Variants in SLC25A21 observed in about 807,000 individuals in gnomAD.
The protein encoded by SLC25A21 is solute carrier family 25 member 21.
A neutral mutation model predicts 43.8 loss-of-function variants in SLC25A21; 47 were observed. The observed-to-expected ratio is 1.07, with a 90% CI of 0.85 to 1.37. The LOEUF (loss-of-function observed/expected upper bound fraction) is 1.37. SLC25A21 is among the 40% of genes most tolerant of loss of function. The pLI is 0.00. For missense variants in SLC25A21, 352 were observed against 350.2 expected (o/e 1.00, Z -0.04); for synonymous variants, 131 against 121.3 (o/e 1.08, Z -0.52).
At chr14:36,765,608 A>C (rs1204614193) in intron 3 of SLC25A21, among the ~76,000 whole-genome samples, 3 of 152,200 alleles carry the variant, frequency 2.0e-5, no homozygotes. Context: ...GAAAACTCAG[A>C]TTATACTAGA....
intron 3 of SLC25A21, among the ~76,000 whole-genome samples, chr14:36,761,311 G>T (rs1399008700): frequency 6.6e-6 from 1 of 152,208 alleles, no homozygotes; most frequent in Non-Finnish European, 1.5e-5. Flanking sequence ...CCTGCTCTGT[G>T]CCACATGTGT....
At position 36,739,762 on chromosome 14, in the gene SLC25A21, T is replaced by A. The variant is rs1236834614; in HGVS notation, c.204-5189A>T. Among the ~76,000 whole-genome samples, 3 of 151,930 alleles carry A rather than the reference T, an allele frequency of 2.0e-5. No individual in the cohort carries two copies. In the East Asian group the frequency reaches 5.8e-4, roughly 29 times the overall value. On this transcript the variant is annotated intron_variant, in intron 3 of 9. Coordinates refer to ENST00000331299, the MANE Select transcript of SLC25A21 (RefSeq NM_030631.4). The stretch of plus-strand genomic sequence containing the variant: ...GTTGGTTACTGACCCAAAAGATACA[T>A]GCCCCTCACCCCACTTGCTCCTCAG...
At chr14:37,149,192 C>G (rs547108822) in intron 1 of SLC25A21, among the ~76,000 whole-genome samples, 2 of 152,132 alleles carry the variant, frequency 1.3e-5, no homozygotes, top group East Asian at 3.9e-4. Flanking sequence ...TTTTTCTTCC[C>G]TTCCTTGCTT....
At chr14:37,112,351 AG>A (rs1436320784) in intron 1 of SLC25A21, among the ~76,000 whole-genome samples, 1 of 152,204 alleles carries the variant, frequency 6.6e-6, no homozygotes, top group Non-Finnish European at 1.5e-5. Context: ...AAGGGAGAAG[AG>A]GCAATAAGCA....
chr14:37,029,895 G>A (rs761093737), intron 1 of SLC25A21, among the ~76,000 whole-genome samples: 9 of 151,292 alleles, frequency 5.9e-5, no homozygotes, highest in Non-Finnish European at 1.2e-4. Context: ...CTCCCAAGTA[G>A]CGGGGATTAC....
At chr14:36,984,415 T>C (rs1349821290) in intron 1 of SLC25A21, among the ~76,000 whole-genome samples, 1 of 152,236 alleles carries the variant, frequency 6.6e-6, no homozygotes. Flanking sequence ...ATTGAGAAGA[T>C]GTAAACTCAA....
chr14:36,843,114 C>G (rs978434446), intron 2 of SLC25A21, among the ~76,000 whole-genome samples: 2 of 152,146 alleles, frequency 1.3e-5, no homozygotes. Flanking sequence ...TGCTCATTCA[C>G]CTGCTGCTCA....
At chr14:36,858,160 G>A (rs1374080176) in intron 2 of SLC25A21, among the ~76,000 whole-genome samples, 2 of 152,002 alleles carry the variant, frequency 1.3e-5, no homozygotes, top group Non-Finnish European at 2.9e-5. Context: ...ATGAAGTAAC[G>A]TTTGCAAAAC....
chr14:37,130,288 A>T (rs913382522), intron 1 of SLC25A21, among the ~76,000 whole-genome samples: 1 of 152,156 alleles, frequency 6.6e-6, no homozygotes, highest in Non-Finnish European at 1.5e-5. Flanking sequence ...AATTAAAAAA[A>T]TTTTAACTTT....
chr14:37,058,971 T>C (rs1271433128), intron 1 of SLC25A21, among the ~76,000 whole-genome samples: 1 of 152,216 alleles, frequency 6.6e-6, no homozygotes, highest in Non-Finnish European at 1.5e-5. Context: ...CCATGAAGAC[T>C]TCCATGTCCT....
intron 2 of SLC25A21, among the ~76,000 whole-genome samples, chr14:36,862,592 C>T (rs1890100647): frequency 6.6e-6 from 1 of 151,738 alleles, no homozygotes; most frequent in South Asian, 2.1e-4. Flanking sequence ...GGGAACAACA[C>T]ACACTGGGGC....
At chr14:36,788,165 C>A (rs868287675) in intron 3 of SLC25A21, among the ~76,000 whole-genome samples, 1 of 152,164 alleles carries the variant, frequency 6.6e-6, no homozygotes, top group Non-Finnish European at 1.5e-5. Flanking sequence ...ACCATAACAG[C>A]ATCCATTCAT....
intron 1 of SLC25A21, among the ~76,000 whole-genome samples, chr14:37,140,506 C>T (rs1019309828): frequency 6.6e-6 from 1 of 152,158 alleles, no homozygotes; most frequent in Non-Finnish European, 1.5e-5. Flanking sequence ...GAGGCTTATC[C>T]TTGCCCTGCA....
chr14:36,822,481 C>A (rs1888669968), intron 2 of SLC25A21, among the ~76,000 whole-genome samples: 1 of 152,082 alleles, frequency 6.6e-6, no homozygotes, highest in South Asian at 2.1e-4. Context: ...TGTAGGTGGG[C>A]AGAGCTATGC....
intron 2 of SLC25A21, among the ~76,000 whole-genome samples, chr14:36,862,428 C>T (rs1000646064): frequency 1.3e-5 from 2 of 152,086 alleles, no homozygotes; most frequent in African/African-American, 4.8e-5. Flanking sequence ...ACTATGCAGC[C>T]ATAAAAAAGA....
intron 3 of SLC25A21, among the ~76,000 whole-genome samples, chr14:36,746,526 C>T (rs537667443): frequency 3.3e-5 from 5 of 152,248 alleles, no homozygotes; most frequent in South Asian, 2.1e-4. Flanking sequence ...GCGATGGGTA[C>T]TAAAAGCCTG....
At chr14:36,687,637 C>T (rs2139145407) in intron 7 of SLC25A21, among the ~76,000 whole-genome samples, 1 of 152,300 alleles carries the variant, frequency 6.6e-6, no homozygotes, top group African/African-American at 2.4e-5. Context: ...CTGCTTGAAT[C>T]CAGCATCCCA....
chr14:37,158,769 G>T (rs1212106247), intron 1 of SLC25A21, among the ~76,000 whole-genome samples: 1 of 152,066 alleles, frequency 6.6e-6, no homozygotes, highest in Admixed American at 6.6e-5. Context: ...AAGGCATTCA[G>T]ATTGGAAAAG....
At chr14:36,816,732 G>C (rs1888469908) in intron 2 of SLC25A21, among the ~76,000 whole-genome samples, 1 of 151,942 alleles carries the variant, frequency 6.6e-6, no homozygotes, top group Non-Finnish European at 1.5e-5. Context: ...TGGAACTTCT[G>C]GGCTCAAGCA....
Sources: gnomAD v4.1 joint callset for allele counts (sites outside exome capture counted in the v4.1 genomes callset) on GRCh38, gnomAD v4.1.1 for gene constraint, MANE v1.5 for transcripts, NCBI Gene and HGNC (gene_info 2026-07-23, HGNC 2026-07-21) for gene names.